ACO2: variants seen among roughly 807,000 people sequenced by gnomAD.
The protein encoded by ACO2 is aconitase 2.
In ACO2, 31 loss-of-function variants were observed where a neutral mutation model predicts 84.5. The observed-to-expected ratio is 0.37, with a 90% confidence interval of 0.28 to 0.50. ACO2 has a LOEUF of 0.50. Ranked by LOEUF, ACO2 falls within the 20% of genes least tolerant of loss-of-function variation. The pLI, the probability that ACO2 is intolerant of heterozygous loss-of-function variation, is 0.97. For synonymous variants in ACO2, 414 were observed against 412.7 expected (o/e 1.00, Z -0.04); for missense variants, 685 against 1,029.3 (o/e 0.67, Z 4.58).
chr22:41,483,086 G>T (rs1482060478), intron 1 of ACO2, among the ~76,000 whole-genome samples: 1 of 152,198 alleles, frequency 6.6e-6, no homozygotes, highest in Non-Finnish European at 1.5e-5. Context: ...CAGCCCCTTT[G>T]TTCCCCAGAA....
chr22:41,507,664 G>A (rs1371959117), intron 2 of ACO2, 127 bp from the exon 3 acceptor site: 1 of 1,325,606 alleles, frequency 7.5e-7, no homozygotes, highest in Non-Finnish European at 1.0e-6. Context: ...GGAACGTTGA[G>A]GTCCTGAGTT....
intron 1 of ACO2, among the ~76,000 whole-genome samples, chr22:41,472,546 C>T (rs1387912358): frequency 6.6e-6 from 1 of 152,038 alleles, no homozygotes; most frequent in African/African-American, 2.4e-5. Context: ...TGTGTACTCT[C>T]GTTTGACAGT....
At chr22:41,472,460 C>T (rs538932564) in intron 1 of ACO2, among the ~76,000 whole-genome samples, 2 of 152,124 alleles carry the variant, frequency 1.3e-5, no homozygotes, top group Admixed American at 6.6e-5. Flanking sequence ...GCAACTGGCA[C>T]TATGCTGCTT....
chr22:41,525,411 C>T lies in ACO2; in HGVS notation c.1761+63C>T, dbSNP rs546956810. On this transcript the variant is annotated intron_variant, in intron 14 of 17. Coordinates refer to ENST00000216254, the MANE Select transcript of ACO2 (RefSeq NM_001098.3). Reference sequence around the variant, plus strand: ...CCAGGGCCCCCCGTCCCCTGAGCATCGGGAAGGGCCATGAACCTGGAGGAA... The same window carrying T: ...CCAGGGCCCCCCGTCCCCTGAGCATTGGGAAGGGCCATGAACCTGGAGGAA... 2.0e-5 allele frequency: 32 copies of T among 1,586,688 alleles called. No homozygotes were observed. The East Asian group carries it at 4.5e-4, about 22-fold the overall frequency.
intron 3 of ACO2, among the ~76,000 whole-genome samples, chr22:41,508,471 C>T (rs1443897028): frequency 2.0e-5 from 3 of 152,164 alleles, no homozygotes; most frequent in African/African-American, 7.2e-5. Flanking sequence ...GGGAGGTAGG[C>T]GTGCTAGGGT....
chr22:41,489,046 C>T (rs1017680587), intron 1 of ACO2, among the ~76,000 whole-genome samples: 8 of 148,414 alleles, frequency 5.4e-5, no homozygotes, highest in Non-Finnish European at 1.2e-4. Context: ...TCCTCCTCCC[C>T]TTTTTTTTTT....
chr22:41,524,075 A>G (rs2066552779), intron 12 of ACO2, 134 bp downstream of exon 12: 1 of 722,732 alleles, frequency 1.4e-6, no homozygotes, highest in Non-Finnish European at 2.4e-6. Flanking sequence ...TCCCAGCCTC[A>G]GGCGCATGCT....
chr22:41,518,404 C>A, intron 7 of ACO2, 77 bp from the exon 8 acceptor site: 1 of 1,135,878 alleles, frequency 8.8e-7, no homozygotes, highest in Admixed American at 1.8e-5. Flanking sequence ...TTGGCAGGTG[C>A]TCAGGTGGGT....
At position 41,523,016 on chromosome 22, in the gene ACO2, C is replaced by G; in HGVS notation, c.1296+29C>G. 1.9e-6 allele frequency: 3 copies of G among 1,611,792 alleles called. No individual in the cohort carries two copies. In the South Asian group the frequency reaches 3.3e-5, roughly 18 times the overall value. The stretch of plus-strand genomic sequence containing the variant: ...AGTGCCCATATCCCCCTGCCCATCT[C>G]CCCCACCCCATGCTGAGTAATGCCT... On this transcript the variant is annotated intron_variant, in intron 10 of 17. Transcript: ENST00000216254.
chr22:41,528,198 G>C (rs2146155869), intron 17 of ACO2, 176 bp downstream of exon 17: 1 of 1,040,228 alleles, frequency 9.6e-7, no homozygotes, highest in South Asian at 1.6e-5. Flanking sequence ...TTGGGGGTTG[G>C]AGTCAACCCG....
chr22:41,528,146 C>T, intron 17 of ACO2, 124 bp downstream of exon 17: 8 of 1,429,840 alleles, frequency 5.6e-6, no homozygotes, highest in Non-Finnish European at 6.6e-6. Context: ...GCCCCCAGTT[C>T]TCCAGGTGGC....
At chr22:41,500,407 C>T (rs1308180770) in intron 2 of ACO2, among the ~76,000 whole-genome samples, 1 of 148,906 alleles carries the variant, frequency 6.7e-6, no homozygotes, top group Admixed American at 6.7e-5. Context: ...ATATTTGAGG[C>T]ATAGTCTCGC....
intron 3 of ACO2, 120 bp from the exon 4 acceptor site, chr22:41,511,756 T>C (rs1181121610): frequency 9.1e-6 from 6 of 660,760 alleles, no homozygotes; most frequent in Non-Finnish European, 1.3e-5. Context: ...AGAGAGGGCC[T>C]GTCTCCAGTG....
At chr22:41,495,777 C>A (rs769076087) in intron 1 of ACO2, among the ~76,000 whole-genome samples, 17 of 151,474 alleles carry the variant, frequency 1.1e-4, no homozygotes, top group Non-Finnish European at 1.9e-4. Flanking sequence ...CCCGCCACCA[C>A]GCCGTAGTAG....
intron 2 of ACO2, among the ~76,000 whole-genome samples, chr22:41,500,879 A>G (rs1212538487): frequency 1.3e-5 from 2 of 150,094 alleles, no homozygotes; most frequent in East Asian, 2.0e-4. Context: ...AATTTTTTGT[A>G]TTTTTGTGGA....
Position 41,527,246 on chromosome 22 carries a change from GC to G in ACO2, c.1954-39del, listed in dbSNP as rs745367458. 5.6e-6 allele frequency: 9 copies of G among 1,613,108 alleles called. No individual in the cohort carries two copies. The African/African-American group carries it at 1.2e-4, about 22-fold the overall frequency. On this transcript the variant is annotated intron_variant, in intron 15 of 17. Coordinates refer to ENST00000216254, the MANE Select transcript of ACO2 (RefSeq NM_001098.3). ...GTAGGGCCAGACAGGTGAGGACGGT[GC>G]CCTCCTCTGCCTTATAACCTTACCC...
intron 12 of ACO2, 71 bp from the exon 13 acceptor site, chr22:41,524,775 G>A (rs899630730): frequency 1.9e-6 from 3 of 1,602,018 alleles, no homozygotes; most frequent in Non-Finnish European, 2.6e-6. Flanking sequence ...TTTTGGCCTA[G>A]GCTTTTGGTA....
At chr22:41,508,161 G>T (rs191816013) in intron 3 of ACO2, 112 bp downstream of exon 3, 2 of 1,359,504 alleles carry the variant, frequency 1.5e-6, no homozygotes, top group African/African-American at 2.9e-5. Context: ...CACCTCTTTG[G>T]ATTGGTCTGC....
intron 2 of ACO2, among the ~76,000 whole-genome samples, chr22:41,500,113 C>T (rs978660754): frequency 6.6e-6 from 1 of 152,018 alleles, no homozygotes; most frequent in African/African-American, 2.4e-5. Context: ...CTCTGAGACA[C>T]TTTGGCACTA....
Sources: gnomAD v4.1 joint callset for allele counts (sites outside exome capture counted in the v4.1 genomes callset) on GRCh38, gnomAD v4.1.1 for gene constraint, MANE v1.5 for transcripts, NCBI Gene and HGNC (gene_info 2026-07-23, HGNC 2026-07-21) for gene names.